Variants in NPC2 observed in about 807,000 individuals in gnomAD.
NPC2 encodes the protein NPC intracellular cholesterol transporter 2, also known as Niemann-Pick disease type C2 protein.
In NPC2, 14 loss-of-function variants were observed where a neutral mutation model predicts 17.0. That is an observed-to-expected ratio of 0.82 (90% CI 0.54 to 1.29). The LOEUF (loss-of-function observed/expected upper bound fraction) is 1.29. Among genes scored for constraint, NPC2 ranks in the 50% most tolerant of loss-of-function variants. The pLI, the probability that NPC2 is intolerant of heterozygous loss-of-function variation, is 0.00. For missense variants in NPC2, 167 were observed against 183.4 expected (o/e 0.91, Z 0.52); for synonymous variants, 75 against 69.3 (o/e 1.08, Z -0.41).
At position 74,480,399 on chromosome 14, in the gene NPC2, G is replaced by A. The variant is rs1001748858; in HGVS notation, c.442-111C>T. 22 of 964,156 alleles carry A rather than the reference G, an allele frequency of 2.3e-5. No individual in the cohort carries two copies. In the Admixed American group the frequency reaches 2.7e-4, roughly 12 times the overall value. 59.7% of individuals were successfully genotyped at this position (964,156 alleles called of 1,614,324 possible). ...GACATTCCTAAGCAACCTCCTTCAG[G>A]TCCTGTCTGGCTGGACCTTCCTTAC... is the stretch of plus-strand genomic sequence containing the variant. On this transcript the variant is annotated intron_variant, in intron 4 of 4. Coordinates refer to ENST00000555619, the MANE Select transcript of NPC2 (RefSeq NM_006432.5).
At chr14:74,491,909 C>A (rs562083463) in intron 1 of NPC2, among the ~76,000 whole-genome samples, 1 of 152,268 alleles carries the variant, frequency 6.6e-6, no homozygotes, top group African/African-American at 2.4e-5. Flanking sequence ...GTAGGACTAA[C>A]AAATTAGCTA....
chr14:74,488,559 C>T (rs1445606278), intron 1 of NPC2, among the ~76,000 whole-genome samples: 3 of 152,058 alleles, frequency 2.0e-5, no homozygotes, highest in African/African-American at 4.8e-5. Flanking sequence ...AATAAAAATA[C>T]AAAAATTAGC....
At chr14:74,490,285 T>TA (rs1487376193) in intron 1 of NPC2, among the ~76,000 whole-genome samples, 1 of 152,222 alleles carries the variant, frequency 6.6e-6, no homozygotes, top group Admixed American at 6.5e-5. Context: ...TCTCTTTAAC[T>TA]ATCATCACAC....
chr14:74,490,572 T>C (rs559844515), intron 1 of NPC2, among the ~76,000 whole-genome samples: 6 of 152,324 alleles, frequency 3.9e-5, no homozygotes, highest in South Asian at 4.1e-4. Context: ...TCACATAATC[T>C]AGTAGGAAGT....
chr14:74,485,875 G>A (rs1024992669), intron 2 of NPC2, among the ~76,000 whole-genome samples: 1 of 152,136 alleles, frequency 6.6e-6, no homozygotes, highest in Non-Finnish European at 1.5e-5. Context: ...TCTTAAGGAG[G>A]CTGTTAAGTA....
In NPC2 at chr14:74,483,045, A is replaced by T. The variant is rs560895841; in HGVS notation, c.363+1370T>A. 8.9e-5 allele frequency: 115 copies of T among 1,290,622 alleles called. 1 individual carries two copies. In the East Asian group the frequency reaches 2.8e-3, roughly 31 times the overall value. 79.9% of individuals were successfully genotyped at this position (1,290,622 alleles called of 1,614,324 possible). On this transcript the variant is annotated intron_variant, in intron 3 of 4. Transcript: ENST00000555619. ...CTCTGATGGTTCAGTTTGTTCAGGG[A>T]ATTTTTGTTGAAAAATATGACCCAA... is the stretch of plus-strand genomic sequence containing the variant.
At chr14:74,482,901 G>C (rs1247277955) in intron 3 of NPC2, 3 of 466,244 alleles carry the variant, frequency 6.4e-6, no homozygotes, top group Admixed American at 6.4e-5. Flanking sequence ...GGAGGAGGGA[G>C]GAGGGAGGAG....
Position 74,480,682 on chromosome 14 carries a change from T to C in NPC2, c.441+20A>G. 1 of 1,602,346 alleles carries C rather than the reference T, an allele frequency of 6.2e-7. No individual in the cohort carries two copies. The highest frequency in any genetic ancestry group is 8.6e-7 in the Non-Finnish European group (1 of 1,169,340). On this transcript the variant is annotated intron_variant, in intron 4 of 4. Coordinates refer to ENST00000555619, the MANE Select transcript of NPC2 (RefSeq NM_006432.5). ...CTTTCTTCCCTCCACCCATGCCCTC[T>C]CACCCCCAGATAGACTTACGATCTG...
intron 3 of NPC2, among the ~76,000 whole-genome samples, chr14:74,484,150 T>C (rs1400129939): frequency 2.0e-5 from 3 of 152,220 alleles, no homozygotes; most frequent in Non-Finnish European, 4.4e-5. Flanking sequence ...TTATGTATGA[T>C]TAAATTTTAG....
intron 1 of NPC2, 46 bp from the exon 2 acceptor site, chr14:74,486,482 A>T (rs543955029): frequency 1.1e-5 from 16 of 1,503,468 alleles, no homozygotes; most frequent in Non-Finnish European, 1.5e-5. Flanking sequence ...GAGGAGAAAT[A>T]AGCCAGCTAG....
chr14:74,488,275 G>A (rs994383010), intron 1 of NPC2, among the ~76,000 whole-genome samples: 2 of 152,108 alleles, frequency 1.3e-5, no homozygotes, highest in Non-Finnish European at 1.5e-5. Flanking sequence ...CCAAACTGCT[G>A]GTAAATCCTT....
At chr14:74,486,235 A>T in intron 2 of NPC2, 94 bp downstream of exon 2, 2 of 1,137,712 alleles carry the variant, frequency 1.8e-6, no homozygotes, top group South Asian at 2.6e-5. Flanking sequence ...CATGACTGCC[A>T]ATTCCCCTCC....
rs1279525050 is a variant in NPC2 at position 74,480,716 on chromosome 14, T to A, written c.427A>T (p.Ile143Phe). 4 of 1,613,914 alleles carry A rather than the reference T, an allele frequency of 2.5e-6. No homozygotes were observed. The South Asian group carries it at 4.4e-5, about 18-fold the overall frequency. ...DKNQSLFCWE[I>F]PVQIVSHL ...GATAGACTTACGATCTGTACTGGGA[T>A]TTCCCAGCAGAAGAGACTTTGGTTT... Residue 143 changes from isoleucine (I) to phenylalanine (F), a missense_variant, in exon 4 of 5, where the codon ATC (isoleucine) becomes TTC (phenylalanine). Physicochemically the swap from Ile to Phe is conservative, Grantham distance 21. Coordinates refer to ENST00000555619, the MANE Select transcript of NPC2 (RefSeq NM_006432.5).
intron 4 of NPC2, chr14:74,480,497 C>CTT (rs373421076): frequency 8.6e-6 from 6 of 696,138 alleles, no homozygotes; most frequent in African/African-American, 3.7e-5. Context: ...TTCCTTCAAC[C>CTT]TTTTTTTTTT....
At chr14:74,490,782 G>A (rs2139674141) in intron 1 of NPC2, among the ~76,000 whole-genome samples, 1 of 152,340 alleles carries the variant, frequency 6.6e-6, no homozygotes, top group South Asian at 2.1e-4. Context: ...AATCTTTGAT[G>A]TGGGCACTGA....
chr14:74,480,492 T>C, intron 4 of NPC2: 1 of 767,798 alleles, frequency 1.3e-6, no homozygotes, highest in East Asian at 2.4e-5. Flanking sequence ...CTTCTTTCCT[T>C]CAACCTTTTT....
intron 3 of NPC2, among the ~76,000 whole-genome samples, chr14:74,481,927 A>T (rs1422532816): frequency 1.3e-5 from 2 of 152,242 alleles, no homozygotes; most frequent in Non-Finnish European, 2.9e-5. Flanking sequence ...ACAATGGAAC[A>T]TGTGAGTGGC....
At chr14:74,493,343 G>C (rs1210162779), upstream of NPC2, 16 of 1,574,848 alleles carry the variant, frequency 1.0e-5, no homozygotes, top group Non-Finnish European at 1.2e-5. The surrounding 1 kb of genome is among the most constrained non-coding windows in gnomAD (Gnocchi z 4.1). Flanking sequence ...CAAACCTGTC[G>C]GGGCGGGCCC....
intron 1 of NPC2, among the ~76,000 whole-genome samples, chr14:74,491,952 A>G (rs974878134): frequency 4.6e-5 from 7 of 152,210 alleles, no homozygotes; most frequent in African/African-American, 1.7e-4. Context: ...TCTGGCTGTA[A>G]GAGTCTGAAC....
Sources: allele counts gnomAD v4.1 joint callset (sites outside exome capture counted in the v4.1 genomes callset), GRCh38; gene constraint gnomAD v4.1.1; non-coding constraint Gnocchi (gnomAD v3.1); transcripts MANE v1.5; gene names NCBI Gene and HGNC (gene_info 2026-07-23, HGNC 2026-07-21).